The following SPIDR variants were observed in gnomAD, a reference collection of about 807,000 sequenced individuals.
SPIDR encodes scaffold protein involved in DNA repair, also known as DNA repair-scaffolding protein.
SPIDR carries 93 observed loss-of-function variants against 104.6 expected under a neutral mutation model. That is an observed-to-expected ratio of 0.89 (90% CI 0.75 to 1.06). SPIDR has a LOEUF of 1.06. SPIDR is among the 50% of genes least tolerant of loss of function. The probability of loss-of-function intolerance (pLI) is 0.00; values close to 1 mark genes in which losing one functional copy is unlikely to be tolerated. For missense variants in SPIDR, 1,154 were observed against 1,111.2 expected (o/e 1.04, Z -0.55); for synonymous variants, 431 against 416.9 (o/e 1.03, Z -0.41).
At chr8:47,313,872 T>A (rs1018560676) in intron 5 of SPIDR, among the ~76,000 whole-genome samples, 2 of 152,190 alleles carry the variant, frequency 1.3e-5, no homozygotes, top group African/African-American at 2.4e-5. Flanking sequence ...AACTCAGAAT[T>A]CTGTAGCCAA....
chr8:47,590,799 T>C (rs544593409), intron 8 of SPIDR, among the ~76,000 whole-genome samples: 8 of 152,324 alleles, frequency 5.3e-5, no homozygotes, highest in Admixed American at 5.2e-4. Flanking sequence ...TTTTATCAGT[T>C]TTTGCTTCAT....
chr8:47,311,463 A>C (rs1043314952), intron 5 of SPIDR, among the ~76,000 whole-genome samples: 2 of 152,172 alleles, frequency 1.3e-5, no homozygotes, highest in Non-Finnish European at 2.9e-5. Flanking sequence ...TGAATTCCAA[A>C]CAAGATAAAT....
intron 10 of SPIDR, among the ~76,000 whole-genome samples, chr8:47,633,568 A>AAC (rs943898542): frequency 7.3e-5 from 11 of 151,172 alleles, no homozygotes; most frequent in South Asian, 4.2e-4. Context: ...GAAAAAAAAA[A>AAC]AAAAACAAAA....
At chr8:47,287,091 G>A (rs1389131037) in intron 3 of SPIDR, among the ~76,000 whole-genome samples, 1 of 152,120 alleles carries the variant, frequency 6.6e-6, no homozygotes, top group Non-Finnish European at 1.5e-5. Flanking sequence ...GGACCGTGAT[G>A]CCCACCTGAG....
chr8:47,405,339 T>C (rs566784596), intron 6 of SPIDR, among the ~76,000 whole-genome samples: 121 of 151,360 alleles, frequency 8.0e-4, no homozygotes, highest in African/African-American at 2.9e-3. Flanking sequence ...TGTGTGTGTG[T>C]ATATATATAT....
chr8:47,707,576 A>G (rs895744422), intron 14 of SPIDR, among the ~76,000 whole-genome samples: 11 of 152,234 alleles, frequency 7.2e-5, no homozygotes, highest in Admixed American at 5.9e-4. Flanking sequence ...TTAACATAGT[A>G]GAAGTTTTTA....
chr8:47,291,221 A>G, intron 4 of SPIDR, 84 bp downstream of exon 4: 1 of 884,992 alleles, frequency 1.1e-6, no homozygotes, highest in Non-Finnish European at 1.7e-6. Flanking sequence ...AGGTAAATTG[A>G]TAATTTTGTT....
intron 7 of SPIDR, among the ~76,000 whole-genome samples, chr8:47,430,584 C>T (rs986296405): frequency 2.0e-5 from 3 of 152,020 alleles, no homozygotes; most frequent in South Asian, 4.2e-4. Context: ...GTAGAGAGGC[C>T]GGATGCCCAC....
chr8:47,466,928 G>T (rs1324967105), intron 8 of SPIDR, among the ~76,000 whole-genome samples: 64 of 139,392 alleles, frequency 4.6e-4, no homozygotes, highest in Middle Eastern at 7.8e-3. Context: ...TAGATAGATA[G>T]ATAGATAGAT....
chr8:47,642,323 G>A (rs1261360118), intron 10 of SPIDR, among the ~76,000 whole-genome samples: 1 of 151,966 alleles, frequency 6.6e-6, no homozygotes, highest in Non-Finnish European at 1.5e-5. Flanking sequence ...GGCTGAGGCA[G>A]GTGAATGGTG....
intron 7 of SPIDR, among the ~76,000 whole-genome samples, chr8:47,425,673 A>G (rs1321804222): frequency 1.3e-5 from 2 of 152,182 alleles, no homozygotes; most frequent in African/African-American, 4.8e-5. Context: ...GTATAAAATT[A>G]TTATATTTGA....
intron 5 of SPIDR, among the ~76,000 whole-genome samples, chr8:47,310,741 C>G (rs782761027): frequency 3.7e-4 from 56 of 152,096 alleles, no homozygotes; most frequent in African/African-American, 1.1e-3. Flanking sequence ...AAGGGTGTCC[C>G]AAATTCTGCA....
At chr8:47,681,278 T>C (rs916305766) in intron 11 of SPIDR, among the ~76,000 whole-genome samples, 1 of 152,224 alleles carries the variant, frequency 6.6e-6, no homozygotes, top group Non-Finnish European at 1.5e-5. Flanking sequence ...TATTGTCCTT[T>C]AAGACTGGGG....
At chr8:47,499,628 G>C (rs2080036835) in intron 8 of SPIDR, among the ~76,000 whole-genome samples, 1 of 151,330 alleles carries the variant, frequency 6.6e-6, no homozygotes, top group Non-Finnish European at 1.5e-5. Flanking sequence ...ATTTTTCCAG[G>C]AACACAGCCA....
intron 16 of SPIDR, among the ~76,000 whole-genome samples, chr8:47,718,516 T>A (rs1372682305): frequency 3.3e-5 from 5 of 151,976 alleles, no homozygotes; most frequent in Non-Finnish European, 5.9e-5. Context: ...TTTTTTTTTT[T>A]CATTTTTCTG....
chr8:47,731,202 G>A (rs1453315652), intron 19 of SPIDR, among the ~76,000 whole-genome samples: 4 of 151,774 alleles, frequency 2.6e-5, no homozygotes, highest in African/African-American at 7.3e-5. Flanking sequence ...GTTGCAGTGA[G>A]CTGAGATTGT....
intron 10 of SPIDR, among the ~76,000 whole-genome samples, chr8:47,632,665 G>C (rs2067254470): frequency 6.6e-6 from 1 of 152,156 alleles, no homozygotes; most frequent in South Asian, 2.1e-4. Flanking sequence ...TACATACTCA[G>C]GGGAAAAGAA....
At chr8:47,612,902 G>A (rs746382611) in intron 10 of SPIDR, among the ~76,000 whole-genome samples, 12 of 152,198 alleles carry the variant, frequency 7.9e-5, no homozygotes, top group South Asian at 4.1e-4. Flanking sequence ...CTGCCGCCAC[G>A]GAGGAAATGG....
intron 8 of SPIDR, among the ~76,000 whole-genome samples, chr8:47,532,000 ATCAAT>A (rs1416167369): frequency 1.3e-5 from 2 of 152,236 alleles, no homozygotes; most frequent in Admixed American, 1.3e-4. Context: ...GTCCTGCTGT[ATCAAT>A]AATTGCTTTA....
Sources: gnomAD v4.1 joint callset for allele counts (sites outside exome capture counted in the v4.1 genomes callset) on GRCh38, gnomAD v4.1.1 for gene constraint, MANE v1.5 for transcripts, NCBI Gene and HGNC (gene_info 2026-07-23, HGNC 2026-07-21) for gene names.